HIVEP2: variants seen among roughly 807,000 people sequenced by gnomAD.
HIVEP2 encodes the protein transcription factor HIVEP2.
In HIVEP2, 14 loss-of-function variants were observed where a neutral mutation model predicts 180.7. The ratio of observed to expected loss-of-function variants is 0.08; its 90% CI spans 0.05 to 0.12. The LOEUF is 0.12. HIVEP2 is among the 10% of genes least tolerant of loss of function. The pLI, the probability that HIVEP2 is intolerant of heterozygous loss-of-function variation, is 1.00. For missense variants in HIVEP2, 2,579 were observed against 3,008.5 expected, an observed-to-expected ratio of 0.86 and a Z score of 3.34; for synonymous variants, 1,184 against 1,136.4, an observed-to-expected ratio of 1.04 and a Z score of -0.84.
Position 142,943,737 on chromosome 6 carries a change from C to T in HIVEP2, c.-641+1362G>A, listed in dbSNP as rs1272054100. On this transcript the variant is annotated intron_variant, in intron 1 of 9. Transcript: ENST00000367603. This position sits in a 1 kb window ranked among gnomAD's most constrained non-coding sequence, Gnocchi z 4.5. ...TTATAATGAAAGTACAGGAAACAAG[C>T]CTTTCTATATTCATTTTAGGCCTAA... Among the ~76,000 whole-genome samples the T allele has an allele frequency of 2.0e-5, 3 of 150,512 alleles. No individual in the cohort carries two copies. Among genetic ancestry groups the T allele is most frequent in the Non-Finnish European group, 4.4e-5 (3 of 67,608 alleles).
At chr6:142,923,240 G>A (rs1294462266) in intron 1 of HIVEP2, among the ~76,000 whole-genome samples, 1 of 151,932 alleles carries the variant, frequency 6.6e-6, no homozygotes, top group African/African-American at 2.4e-5. Flanking sequence ...GCTGAGGTAG[G>A]GAATTGCTTG....
intron 1 of HIVEP2, among the ~76,000 whole-genome samples, chr6:142,914,794 C>CT (rs1777508643): frequency 6.6e-6 from 1 of 152,134 alleles, no homozygotes; most frequent in Non-Finnish European, 1.5e-5. Flanking sequence ...TTCTTTTATG[C>CT]TAAGTGACAA....
chr6:142,887,501 T>C (rs184779739), intron 1 of HIVEP2, among the ~76,000 whole-genome samples: 94 of 152,288 alleles, frequency 6.2e-4, no homozygotes, highest in African/African-American at 2.1e-3. Flanking sequence ...CCTCAGATAA[T>C]TTTAAAACAA....
At chr6:142,917,922 T>C (rs1777598153) in intron 1 of HIVEP2, among the ~76,000 whole-genome samples, 1 of 152,170 alleles carries the variant, frequency 6.6e-6, no homozygotes, top group Non-Finnish European at 1.5e-5. Flanking sequence ...ATTACAGGCA[T>C]GCACCACCAC....
In HIVEP2 at chr6:142,773,000, C is replaced by T. The variant is rs750232630; in HGVS notation, c.1739G>A (p.Gly580Glu). Residue 580 changes from glycine to glutamate, a missense_variant, in exon 5 of 10, where the codon GGG becomes GAG. Transcript: ENST00000367603. This position sits in a 1 kb window ranked among gnomAD's most constrained non-coding sequence, Gnocchi z 4.9. Reference sequence around the variant, plus strand: ...GCGCTGAGGGGGTATGCCCACGGTCCCTGGATAGAATACATCGTCGGAACC... The same window carrying T: ...GCGCTGAGGGGGTATGCCCACGGTCTCTGGATAGAATACATCGTCGGAACC... ...MTGSDDVFYP[G>E]TVGIPPQRML... 21 of 1,614,134 alleles carry T rather than the reference C, an allele frequency of 1.3e-5. 1 individual carries two copies. The South Asian group carries it at 2.3e-4, about 18-fold the overall frequency.
At chr6:142,803,566 TAC>T (rs10688831) in intron 2 of HIVEP2, among the ~76,000 whole-genome samples, 37 of 141,724 alleles carry the variant, frequency 2.6e-4, no homozygotes, top group South Asian at 6.9e-4. Context: ...ATATATAGCA[TAC>T]ACACACACAC....
intron 1 of HIVEP2, among the ~76,000 whole-genome samples, chr6:142,942,655 ATT>A (rs1778208670): frequency 6.6e-6 from 1 of 152,192 alleles, no homozygotes; most frequent in Admixed American, 6.5e-5. Context: ...CTTTAGTGGT[ATT>A]TTACCAAACA....
chr6:142,796,466 G>GA (rs1776281120), intron 2 of HIVEP2, among the ~76,000 whole-genome samples: 1 of 152,052 alleles, frequency 6.6e-6, no homozygotes, highest in Non-Finnish European at 1.5e-5. Flanking sequence ...TAATAAGCTA[G>GA]AAAAAATGTT....
At chr6:142,789,316 T>C (rs1008426060) in intron 2 of HIVEP2, among the ~76,000 whole-genome samples, 6 of 152,226 alleles carry the variant, frequency 3.9e-5, no homozygotes, top group African/African-American at 1.2e-4. Flanking sequence ...GTATTGGCCA[T>C]GCAAACTTCT....
chr6:142,774,913 A>G lies in HIVEP2; in HGVS notation c.-175T>C. On this transcript the variant is annotated 5_prime_UTR_variant, in exon 5 of 10. An upstream start codon of the reference 5' UTR is lost. Coordinates refer to ENST00000367603, the MANE Select transcript of HIVEP2 (RefSeq NM_006734.4). This position sits in a 1 kb window ranked among gnomAD's most constrained non-coding sequence, Gnocchi z 5.1. ...CACACGCACACCACAGTCGATGGGC[A>G]TTAGCTAGTAATGTCCTTGGACCAG... The G allele has an allele frequency of 2.7e-6, 4 of 1,465,788 alleles. No individual in the cohort carries two copies. The highest frequency in any genetic ancestry group is 3.6e-6 in the Non-Finnish European group (4 of 1,116,402). 90.8% of individuals were successfully genotyped at this position (1,465,788 alleles called of 1,614,324 possible). A position where few individuals can be genotyped will look rare whatever the true frequency, so the allele number is the denominator to read the frequency against.
intron 1 of HIVEP2, among the ~76,000 whole-genome samples, chr6:142,923,382 A>G (rs1777729405): frequency 6.6e-6 from 1 of 152,174 alleles, no homozygotes; most frequent in African/African-American, 2.4e-5. Context: ...TAAGATAAGC[A>G]TGAACCAAAA....
intron 1 of HIVEP2, among the ~76,000 whole-genome samples, chr6:142,882,774 G>A (rs918147434): frequency 2.6e-5 from 4 of 152,022 alleles, no homozygotes; most frequent in Non-Finnish European, 4.4e-5. Context: ...TTTACATAAC[G>A]CTGGCGTAAT....
At chr6:142,874,183 A>T (rs950549119) in intron 1 of HIVEP2, among the ~76,000 whole-genome samples, 1 of 152,230 alleles carries the variant, frequency 6.6e-6, no homozygotes, top group African/African-American at 2.4e-5. Flanking sequence ...ACCTGAGTTA[A>T]TAAAAAACAA....
intron 9 of HIVEP2, among the ~76,000 whole-genome samples, chr6:142,755,278 C>T (rs1031586939): frequency 3.3e-5 from 5 of 152,170 alleles, no homozygotes; most frequent in Admixed American, 3.3e-4. Flanking sequence ...TTACCACGAC[C>T]TCATAAGCTG....
At chr6:142,887,838 G>A (rs1776743275) in intron 1 of HIVEP2, among the ~76,000 whole-genome samples, 1 of 151,862 alleles carries the variant, frequency 6.6e-6, no homozygotes. Context: ...GAGAGTATGT[G>A]CGTTTATCTT....
At position 142,753,070 on chromosome 6, in the gene HIVEP2, G is replaced by A; in HGVS notation, c.*37C>T. The A allele has an allele frequency of 7.7e-7, 1 of 1,304,666 alleles. No individual in the cohort carries two copies. Among genetic ancestry groups the A allele is most frequent in the Non-Finnish European group, 1.1e-6 (1 of 902,096 alleles). 80.8% of individuals were successfully genotyped at this position (1,304,666 alleles called of 1,614,324 possible). ...CTAGAAAAACAAAAACAAAAAAATG[G>A]GAAAATGTGGAAATGAAAGTCTCCA... On this transcript the variant is annotated 3_prime_UTR_variant, in exon 10 of 10. Coordinates refer to ENST00000367603, the MANE Select transcript of HIVEP2 (RefSeq NM_006734.4).
At chr6:142,862,901 T>TATG (rs1289055209) in intron 1 of HIVEP2, among the ~76,000 whole-genome samples, 2 of 41,110 alleles carry the variant, frequency 4.9e-5, no homozygotes, top group South Asian at 7.4e-4. Flanking sequence ...ATATAATAGA[T>TATG]TATATGTATT....
chr6:142,942,588 C>G (rs1484382755), intron 1 of HIVEP2, among the ~76,000 whole-genome samples: 1 of 152,144 alleles, frequency 6.6e-6, no homozygotes, highest in East Asian at 1.9e-4. Context: ...TGATAATATA[C>G]ACATAGTAAA....
intron 2 of HIVEP2, among the ~76,000 whole-genome samples, chr6:142,798,697 T>C (rs1271331862): frequency 6.6e-6 from 1 of 152,154 alleles, no homozygotes; most frequent in Non-Finnish European, 1.5e-5. Context: ...ATTGATGAAG[T>C]ACATAGTCTT....
Sources: allele counts gnomAD v4.1 joint callset (sites outside exome capture counted in the v4.1 genomes callset), GRCh38; gene constraint gnomAD v4.1.1; non-coding constraint Gnocchi (gnomAD v3.1); transcripts MANE v1.5; gene names NCBI Gene and HGNC (gene_info 2026-07-23, HGNC 2026-07-21).